The following TMEM144 variants were observed in gnomAD, a reference collection of about 807,000 sequenced individuals.
TMEM144 encodes the protein transmembrane protein 144.
TMEM144 carries 39 observed loss-of-function variants against 43.6 expected under a neutral mutation model. That is an observed-to-expected ratio of 0.90 (90% confidence interval 0.69 to 1.17). TMEM144 has a LOEUF of 1.17. Among genes scored for constraint, TMEM144 ranks in the 50% most tolerant of loss-of-function variants. The pLI, the probability that TMEM144 is intolerant of heterozygous loss-of-function variation, is 0.00. For synonymous variants in TMEM144, 154 were observed against 133.6 expected (o/e 1.15, Z -1.06); for missense variants, 417 against 411.9 (o/e 1.01, Z -0.11).
At chr4:158,213,732 T>C (rs1191011767) in intron 3 of TMEM144, 6 of 152,202 alleles carry the variant, frequency 3.9e-5, no homozygotes. Flanking sequence ...GTAGTATTTA[T>C]CACCTGACAG....
chr4:158,238,978 T>C (rs1735492958), intron 9 of TMEM144, among the ~76,000 whole-genome samples: 1 of 152,170 alleles, frequency 6.6e-6, no homozygotes, highest in African/African-American at 2.4e-5. Context: ...ACATATGTAA[T>C]ATGTGCTCTG....
intron 9 of TMEM144, among the ~76,000 whole-genome samples, chr4:158,238,390 C>G (rs1735462861): frequency 6.6e-6 from 1 of 152,148 alleles, no homozygotes; most frequent in Non-Finnish European, 1.5e-5. Context: ...TTGAACTCAA[C>G]TTTAACAGAA....
intron 12 of TMEM144, among the ~76,000 whole-genome samples, chr4:158,247,427 T>C (rs1027305491): frequency 1.3e-5 from 2 of 152,036 alleles, no homozygotes; most frequent in Admixed American, 6.5e-5. Context: ...ATTTGCAGAT[T>C]ACATTTTTAA....
chr4:158,226,503 T>C (rs559892635), intron 6 of TMEM144, among the ~76,000 whole-genome samples: 11 of 152,188 alleles, frequency 7.2e-5, no homozygotes, highest in Non-Finnish European at 1.5e-4. Flanking sequence ...TGATTAAACC[T>C]TTAAAACAAA....
intron 7 of TMEM144, chr4:158,234,183 A>C (rs1735220840): frequency 6.6e-6 from 1 of 152,178 alleles, no homozygotes; most frequent in Non-Finnish European, 1.5e-5. Flanking sequence ...CATGACAAAG[A>C]ATTCAAATCT....
At position 158,253,451 on chromosome 4, in the gene TMEM144, A is replaced by C; in HGVS notation, c.962A>C (p.Gln321Pro). Residue 321 changes from glutamine to proline, a missense_variant, in exon 13 of 13, where the codon CAA (glutamine) becomes CCA (proline). Coordinates refer to ENST00000296529, the MANE Select transcript of TMEM144 (RefSeq NM_018342.5). ...IFMFKEIKGLQNYLLMILAFC... is the reference protein window; with the variant it reads ...IFMFKEIKGLPNYLLMILAFC... ...TTCTTTTTTCTTATTCAGGGTCTAC[A>C]AAACTACCTATTAATGATACTTGCA... 1 of 1,612,956 alleles carries C rather than the reference A, an allele frequency of 6.2e-7. No homozygotes were observed. The highest frequency in any genetic ancestry group is 1.1e-5 in the South Asian group (1 of 90,994).
chr4:158,250,966 G>T (rs1022665357), intron 12 of TMEM144, among the ~76,000 whole-genome samples: 2 of 152,104 alleles, frequency 1.3e-5, no homozygotes, highest in Non-Finnish European at 2.9e-5. Context: ...AGAGAGGGAG[G>T]ACACCAGCCC....
chr4:158,251,083 AC>A (rs1736177965), intron 12 of TMEM144, among the ~76,000 whole-genome samples: 1 of 152,142 alleles, frequency 6.6e-6, no homozygotes, highest in Admixed American at 6.5e-5. Flanking sequence ...TTCTACAATG[AC>A]TTACCCATGA....
At chr4:158,253,409 C>A in intron 12 of TMEM144, 35 bp from the exon 13 acceptor site, 1 of 1,538,184 alleles carries the variant, frequency 6.5e-7, no homozygotes, top group East Asian at 2.2e-5. Flanking sequence ...TGATTCAGGC[C>A]TTATTCATCA....
intron 11 of TMEM144, among the ~76,000 whole-genome samples, chr4:158,243,823 T>A (rs1045515183): frequency 1.2e-4 from 18 of 152,204 alleles, no homozygotes; most frequent in African/African-American, 3.1e-4. Flanking sequence ...GTTAAAAAAA[T>A]TTTTAAAGCA....
At chr4:158,217,269 A>G (rs1278179858) in intron 4 of TMEM144, 52 bp from the exon 5 acceptor site, 8 of 1,266,720 alleles carry the variant, frequency 6.3e-6, no homozygotes, top group African/African-American at 1.5e-5. Context: ...CTATTTATAA[A>G]TGTATTTTCT....
intron 4 of TMEM144, among the ~76,000 whole-genome samples, chr4:158,216,829 C>CAAAA (rs111451438): frequency 1.5e-5 from 2 of 133,060 alleles, no homozygotes; most frequent in African/African-American, 5.6e-5. Context: ...GGACTTGAGA[C>CAAAA]AAAAAAAAAA....
rs1189275840 is a variant in TMEM144 at position 158,211,561 on chromosome 4, G to C, written c.-74G>C. On this transcript the variant is annotated 5_prime_UTR_variant, in exon 2 of 13. Coordinates refer to ENST00000296529, the MANE Select transcript of TMEM144 (RefSeq NM_018342.5). ...CAAGCACCTGCCTCAGCTGACCCTT[G>C]AGCCATAACCCATGTAAGTCACTGC... 1 of 152,194 alleles carries C rather than the reference G, an allele frequency of 6.6e-6. No individual in the cohort carries two copies. Among genetic ancestry groups the C allele is most frequent in the Non-Finnish European group, 1.5e-5 (1 of 68,042 alleles). 9.4% of individuals were successfully genotyped at this position (152,194 alleles called of 1,614,324 possible).
rs945314576 is a variant in TMEM144, at chr4:158,254,275, G to T, written c.*748G>T. ...ATATGTTGCTAAAGTGAGATTGTAG[G>T]TTATCAGTAACAATTTAAAGGAAAC... On this transcript the variant is annotated 3_prime_UTR_variant, in exon 13 of 13. Coordinates refer to ENST00000296529, the MANE Select transcript of TMEM144 (RefSeq NM_018342.5). 2 of 152,048 alleles carry T rather than the reference G, an allele frequency of 1.3e-5. No individual in the cohort carries two copies. The highest frequency in any genetic ancestry group is 2.9e-5 in the Non-Finnish European group (2 of 68,018). The allele number at this position is 152,048 out of a possible 1,614,324, so 9.4% of individuals were successfully genotyped here.
At chr4:158,216,372 G>A (rs1734224170) in intron 4 of TMEM144, among the ~76,000 whole-genome samples, 2 of 152,142 alleles carry the variant, frequency 1.3e-5, no homozygotes, top group Admixed American at 1.3e-4. Context: ...TTGATTATAG[G>A]TGATTAGGAG....
chr4:158,232,525 T>G (rs1735132306), intron 6 of TMEM144, among the ~76,000 whole-genome samples: 1 of 152,258 alleles, frequency 6.6e-6, no homozygotes. Context: ...TGAGAGTATC[T>G]GTCCCCTAGC....
In TMEM144 at chr4:158,237,636, C is replaced by T. The variant is rs765476845; in HGVS notation, c.675C>T (p.Ser225=). ...KRNDSIYAGA[S]QYDLDYVFAH... Reference sequence around the variant, plus strand: ...ATGATAGTATATATGCAGGGGCAAGCCAATATGGTGAGAATAAAAAGTTAT... The same window carrying T: ...ATGATAGTATATATGCAGGGGCAAGTCAATATGGTGAGAATAAAAAGTTAT... Residue 225 remains serine, a synonymous_variant, in exon 9 of 13, where the codon AGC becomes AGT. Transcript: ENST00000296529. The T allele has an allele frequency of 1.9e-6, 3 of 1,599,238 alleles. No homozygotes were observed. The highest frequency in any genetic ancestry group is 2.2e-5 in the East Asian group (1 of 44,730).
chr4:158,253,598 TGAGAA>T lies in TMEM144; in HGVS notation c.*72_*76del, dbSNP rs1474972002. On this transcript the variant is annotated 3_prime_UTR_variant, in exon 13 of 13. Coordinates refer to ENST00000296529, the MANE Select transcript of TMEM144 (RefSeq NM_018342.5). ...CTATCGGACAGCGGAGAGATCATGC[TGAGAA>T]AAGAGTGCATTTTCATATAGCAAAT... is the stretch of plus-strand genomic sequence containing the variant. The T allele has an allele frequency of 1.5e-6, 2 of 1,314,488 alleles. No individual in the cohort carries two copies. The highest frequency in any genetic ancestry group is 1.9e-5 in the Admixed American group (1 of 53,146). The allele number at this position is 1,314,488 out of a possible 1,614,324, so 81.4% of individuals were successfully genotyped here.
At position 158,253,740 on chromosome 4, in the gene TMEM144, T is replaced by G. The variant is rs1197147324; in HGVS notation, c.*213T>G. Reference sequence around the variant, plus strand: ...AAAATGAAAATTTCTTCTGATGAACTGTTTATGAAGGTAGTACTTTACTGG... The same window carrying G: ...AAAATGAAAATTTCTTCTGATGAACGGTTTATGAAGGTAGTACTTTACTGG... On this transcript the variant is annotated 3_prime_UTR_variant, in exon 13 of 13. Transcript: ENST00000296529. The G allele has an allele frequency of 1.8e-6, 1 of 540,924 alleles. No individual in the cohort carries two copies. Among genetic ancestry groups the G allele is most frequent in the Admixed American group, 3.3e-5 (1 of 30,404 alleles). 33.5% of individuals were successfully genotyped at this position (540,924 alleles called of 1,614,324 possible). A position where few individuals can be genotyped will look rare whatever the true frequency, so the allele number is the denominator to read the frequency against.
Sources: allele counts gnomAD v4.1 joint callset (sites outside exome capture counted in the v4.1 genomes callset), GRCh38; gene constraint gnomAD v4.1.1; transcripts MANE v1.5; gene names NCBI Gene and HGNC (gene_info 2026-07-23, HGNC 2026-07-21).